Variants in CSMD1 observed in about 807,000 individuals in gnomAD.
The protein encoded by CSMD1 is CUB and Sushi multiple domains 1.
Under a neutral mutation model 417.5 loss-of-function variants are expected in CSMD1, and 213 were observed. That is an observed-to-expected ratio of 0.51 (90% CI 0.46 to 0.57). The LOEUF is 0.57. CSMD1 is among the 20% of genes least tolerant of loss of function. The pLI, the probability that CSMD1 is intolerant of heterozygous loss-of-function variation, is 0.00. For synonymous variants in CSMD1, 2,862 were observed against 1,736.8 expected, an observed-to-expected ratio of 1.65 and a Z score of -16.11; for missense variants, 6,923 against 4,529.7, an observed-to-expected ratio of 1.53 and a Z score of -15.17.
intron 5 of CSMD1, among the ~76,000 whole-genome samples, chr8:3,820,583 T>C (rs1801676034): frequency 2.0e-5 from 3 of 152,126 alleles, no homozygotes; most frequent in Admixed American, 1.3e-4. Context: ...TTGTTGTTGT[T>C]TGTTTGTTTT....
intron 2 of CSMD1, among the ~76,000 whole-genome samples, chr8:4,546,460 C>T (rs1243261419): frequency 8.5e-5 from 13 of 152,154 alleles, no homozygotes; most frequent in African/African-American, 2.9e-4. Flanking sequence ...ATTCCACGGG[C>T]ACCGACCAAC....
At chr8:3,124,279 T>C (rs149653038) in intron 41 of CSMD1, among the ~76,000 whole-genome samples, 2 of 152,284 alleles carry the variant, frequency 1.3e-5, no homozygotes, top group Non-Finnish European at 2.9e-5. Flanking sequence ...GAAATGCGTC[T>C]TACTCTGGTG....
chr8:4,354,297 T>C (rs904081598), intron 3 of CSMD1, among the ~76,000 whole-genome samples: 3 of 152,178 alleles, frequency 2.0e-5, no homozygotes, highest in African/African-American at 7.2e-5. Flanking sequence ...TTACTCAGTA[T>C]TATTAAGGCG....
chr8:4,151,736 T>G (rs1796581545), intron 3 of CSMD1, among the ~76,000 whole-genome samples: 1 of 152,240 alleles, frequency 6.6e-6, no homozygotes, highest in Non-Finnish European at 1.5e-5. Context: ...GGGTAAATAC[T>G]AGAGGAAGAC....
At chr8:3,714,037 T>TAGAC (rs1364380690) in intron 6 of CSMD1, among the ~76,000 whole-genome samples, 1 of 149,418 alleles carries the variant, frequency 6.7e-6, no homozygotes, top group East Asian at 1.9e-4. Context: ...GATAGATAGA[T>TAGAC]AGATAGATAG....
At chr8:3,784,804 C>G (rs1420967155) in intron 5 of CSMD1, among the ~76,000 whole-genome samples, 1 of 152,188 alleles carries the variant, frequency 6.6e-6, no homozygotes, top group Admixed American at 6.5e-5. Flanking sequence ...TGTTGCATAT[C>G]ACAATTGCTT....
chr8:3,557,237 G>A (rs1196641347), intron 10 of CSMD1, among the ~76,000 whole-genome samples: 2 of 152,146 alleles, frequency 1.3e-5, no homozygotes, highest in African/African-American at 4.8e-5. Flanking sequence ...GCCATTTTTA[G>A]GACCCAAATA....
At chr8:4,241,867 G>A (rs1005880113) in intron 3 of CSMD1, among the ~76,000 whole-genome samples, 4 of 152,120 alleles carry the variant, frequency 2.6e-5, no homozygotes, top group Non-Finnish European at 5.9e-5. Context: ...TGCAAAAAAA[G>A]AGAGAAAGAT....
intron 49 of CSMD1, 79 bp downstream of exon 49, chr8:3,087,018 C>T (rs540266008): frequency 9.8e-4 from 1,240 of 1,261,964 alleles, no homozygotes; most frequent in Non-Finnish European, 1.3e-3. Context: ...TTAGTTAGTG[C>T]TTCATTTATT....
In CSMD1 at chr8:3,945,123, T is replaced by C. The variant is rs1811132025; in HGVS notation, c.818+52780A>G. 2.0e-5 allele frequency among the ~76,000 whole-genome samples: 3 copies of C among 150,396 alleles called. No individual in the cohort carries two copies. The Admixed American group carries it at 2.0e-4, about 10-fold the overall frequency. ...CCAGATAATTATAAAATTAAGCCTTTGTAAGTGATACACAATTTGAACAAT... is the reference window on the plus strand; with the variant it reads ...CCAGATAATTATAAAATTAAGCCTTCGTAAGTGATACACAATTTGAACAAT... On this transcript the variant is annotated intron_variant, in intron 5 of 69. Coordinates refer to ENST00000635120, the MANE Select transcript of CSMD1 (RefSeq NM_033225.6).
intron 18 of CSMD1, among the ~76,000 whole-genome samples, chr8:3,380,634 T>C (rs570626738): frequency 2.0e-5 from 3 of 152,110 alleles, no homozygotes; most frequent in East Asian, 1.9e-4. Flanking sequence ...TAGACTAACA[T>C]AGGAATACAA....
intron 3 of CSMD1, among the ~76,000 whole-genome samples, chr8:4,151,425 C>A (rs139573752): frequency 3.3e-5 from 5 of 152,148 alleles, no homozygotes; most frequent in Non-Finnish European, 5.9e-5. Context: ...TAAATAAATT[C>A]TGAGACATTT....
intron 3 of CSMD1, among the ~76,000 whole-genome samples, chr8:4,033,364 C>A (rs912278114): frequency 1.3e-4 from 20 of 152,066 alleles, no homozygotes; most frequent in Non-Finnish European, 2.6e-4. Flanking sequence ...ATGGCGTGAA[C>A]CCGGGAGGCG....
In CSMD1 at chr8:3,308,302, CCA is replaced by C; in HGVS notation, c.3823+8_3823+9del. The C allele has an allele frequency of 6.3e-7, 1 of 1,593,582 alleles. No individual in the cohort carries two copies. Among genetic ancestry groups the C allele is most frequent in the African/African-American group, 1.3e-5 (1 of 74,740 alleles). Reference sequence around the variant, plus strand: ...CTTTTGCACAATGGTATGACTGCTTCCACACTCACCTATGCACGAAGGTAGTG... The same window carrying C: ...CTTTTGCACAATGGTATGACTGCTTCCACTCACCTATGCACGAAGGTAGTG... On this transcript the variant is annotated splice_region_variant and intron_variant, in intron 24 of 69. Transcript: ENST00000635120.
intron 3 of CSMD1, among the ~76,000 whole-genome samples, chr8:4,259,968 T>C (rs1224701067): frequency 1.3e-5 from 2 of 152,218 alleles, no homozygotes; most frequent in East Asian, 1.9e-4. Context: ...TTTCTAGTTT[T>C]TCACTATTGA....
intron 18 of CSMD1, among the ~76,000 whole-genome samples, chr8:3,371,399 AG>A (rs1443309319): frequency 2.6e-5 from 4 of 152,162 alleles, no homozygotes; most frequent in Non-Finnish European, 4.4e-5. Context: ...AATACATGTA[AG>A]GAGCTCACAA....
At chr8:4,418,636 A>C (rs1797080054) in intron 3 of CSMD1, among the ~76,000 whole-genome samples, 1 of 152,142 alleles carries the variant, frequency 6.6e-6, no homozygotes, top group South Asian at 2.1e-4. Context: ...TGCTTTAGAG[A>C]TGCTTTTGTA....
At chr8:3,258,581 T>G (rs1800826653) in intron 26 of CSMD1, among the ~76,000 whole-genome samples, 1 of 152,144 alleles carries the variant, frequency 6.6e-6, no homozygotes, top group African/African-American at 2.4e-5. Flanking sequence ...GACCTAGCAA[T>G]CCATTATTGG....
At chr8:4,129,201 T>C (rs1163070494) in intron 3 of CSMD1, among the ~76,000 whole-genome samples, 4 of 152,242 alleles carry the variant, frequency 2.6e-5, no homozygotes, top group South Asian at 4.1e-4. Flanking sequence ...CTACACTTAA[T>C]ATGTTCAAAT....
Sources: allele counts gnomAD v4.1 joint callset (sites outside exome capture counted in the v4.1 genomes callset), GRCh38; gene constraint gnomAD v4.1.1; transcripts MANE v1.5; gene names NCBI Gene and HGNC (gene_info 2026-07-23, HGNC 2026-07-21).